ST3GAL1: variants seen among roughly 807,000 people sequenced by gnomAD.
The protein encoded by ST3GAL1 is CMP-N-acetylneuraminate-beta-galactosamide-alpha-2,3-sialyltransferase 1.
ST3GAL1 carries 16 observed loss-of-function variants against 34.1 expected under a neutral mutation model. That is an observed-to-expected ratio of 0.47 (90% CI 0.32 to 0.71). The LOEUF (loss-of-function observed/expected upper bound fraction) is 0.71, where lower values mean the gene tolerates loss of function less well. Among genes scored for constraint, ST3GAL1 ranks in the 30% least tolerant of loss-of-function variants. The pLI is 0.04. For synonymous variants in ST3GAL1, 191 were observed against 184.7 expected, an observed-to-expected ratio of 1.03 and a Z score of -0.28; for missense variants, 353 against 447.4, an observed-to-expected ratio of 0.79 and a Z score of 1.90.
chr8:133,561,911 G>A (rs146942320), intron 1 of ST3GAL1, among the ~76,000 whole-genome samples: 5 of 152,164 alleles, frequency 3.3e-5, no homozygotes, highest in South Asian at 2.1e-4. Context: ...GAACTGCAAG[G>A]TTGGTGAAGG....
intron 1 of ST3GAL1, among the ~76,000 whole-genome samples, chr8:133,554,433 T>C (rs1036267657): frequency 6.6e-5 from 10 of 152,260 alleles, no homozygotes; most frequent in African/African-American, 1.9e-4. Flanking sequence ...CAGTGGGATG[T>C]AGGGGTGTAG....
chr8:133,550,021 AC>A lies in ST3GAL1; in HGVS notation c.-581-4096del, dbSNP rs1342953341. On this transcript the variant is annotated intron_variant, in intron 1 of 9. Transcript: ENST00000522652. ...TAGAACTGCACCCCATGTGGGGCTCACCTTTTGCAGCCTCAGTTTCTCAGCT... is the reference window on the plus strand; with the variant it reads ...TAGAACTGCACCCCATGTGGGGCTCACTTTTGCAGCCTCAGTTTCTCAGCT... Among the ~76,000 whole-genome samples, 3 of 152,314 alleles carry A rather than the reference AC, an allele frequency of 2.0e-5. 1 individual carries two copies. In the Middle Eastern group the frequency reaches 0.01, roughly 518 times the overall value.
Position 133,467,991 on chromosome 8 carries a change from T to G in ST3GAL1, c.307-1901A>C, listed in dbSNP as rs1815806367. Among the ~76,000 whole-genome samples the G allele has an allele frequency of 6.6e-6, 1 of 152,130 alleles. No homozygotes were observed. Among genetic ancestry groups the G allele is most frequent in the East Asian group, 1.9e-4 (1 of 5,192 alleles). On this transcript the variant is annotated intron_variant, in intron 5 of 9. Coordinates refer to ENST00000522652, the MANE Select transcript of ST3GAL1 (RefSeq NM_173344.3). This position sits in a 1 kb window ranked among gnomAD's most constrained non-coding sequence, Gnocchi z 4.2. ...AAAACAACAGGTATCGGTGAGGATG[T>G]GGAGAAAATGGAACTCGTGCATTGC... is the stretch of plus-strand genomic sequence containing the variant.
At chr8:133,557,294 T>C (rs889822605) in intron 1 of ST3GAL1, among the ~76,000 whole-genome samples, 1 of 152,136 alleles carries the variant, frequency 6.6e-6, no homozygotes, top group Non-Finnish European at 1.5e-5. Context: ...AGTCATCCAG[T>C]CAACCAACGC....
At position 133,467,413 on chromosome 8, in the gene ST3GAL1, C is replaced by T. The variant is rs1815785906; in HGVS notation, c.307-1323G>A. The stretch of plus-strand genomic sequence containing the variant: ...GAGAGATTTCATAAAAGTGTTGCAT[C>T]TGACCTTGTCCCCATGCCACAGTGC... On this transcript the variant is annotated intron_variant, in intron 5 of 9. Coordinates refer to ENST00000522652, the MANE Select transcript of ST3GAL1 (RefSeq NM_173344.3). This position sits in a 1 kb window ranked among gnomAD's most constrained non-coding sequence, Gnocchi z 4.2. Among the ~76,000 whole-genome samples, 1 of 152,224 alleles carries T rather than the reference C, an allele frequency of 6.6e-6. No homozygotes were observed. Among genetic ancestry groups the T allele is most frequent in the Admixed American group, 6.5e-5 (1 of 15,284 alleles).
At position 133,567,849 on chromosome 8, in the gene ST3GAL1, T is replaced by G. The variant is rs553541855; in HGVS notation, c.-582+3844A>C. On this transcript the variant is annotated intron_variant, in intron 1 of 9. Coordinates refer to ENST00000522652, the MANE Select transcript of ST3GAL1 (RefSeq NM_173344.3). ...CTGGCTGAAGCAAACATAAATCAGG[T>G]GGTGGCTGTCTTCACAAAGAGAAGC... Among the ~76,000 whole-genome samples, 7 of 151,402 alleles carry G rather than the reference T, an allele frequency of 4.6e-5. No homozygotes were observed. In the East Asian group the frequency reaches 1.4e-3, roughly 29 times the overall value.
chr8:133,502,375 T>G (rs1032346641), intron 2 of ST3GAL1, among the ~76,000 whole-genome samples: 1 of 150,296 alleles, frequency 6.7e-6, no homozygotes, highest in South Asian at 2.1e-4. Flanking sequence ...GTAATAAGGT[T>G]AAATGAGGTC....
intron 3 of ST3GAL1, among the ~76,000 whole-genome samples, chr8:133,498,929 G>A (rs958358186): frequency 1.3e-5 from 2 of 152,320 alleles, no homozygotes; most frequent in East Asian, 1.9e-4. Flanking sequence ...CTGGGAATGG[G>A]GATGTTTTTC....
intron 1 of ST3GAL1, among the ~76,000 whole-genome samples, chr8:133,558,510 G>A (rs1044331313): frequency 4.6e-5 from 7 of 152,150 alleles, no homozygotes; most frequent in African/African-American, 1.4e-4. Flanking sequence ...TACTGCAAAG[G>A]CTCTTTGCAA....
intron 3 of ST3GAL1, among the ~76,000 whole-genome samples, chr8:133,479,940 A>G (rs1224083632): frequency 6.6e-6 from 1 of 152,222 alleles, no homozygotes; most frequent in East Asian, 1.9e-4. Flanking sequence ...TCCGTGCTCT[A>G]GCAAGCGTGG....
chr8:133,548,470 G>A lies in ST3GAL1; in HGVS notation c.-581-2544C>T, dbSNP rs79333674. Among the ~76,000 whole-genome samples the A allele has an allele frequency of 8.0e-3, 1,213 of 152,294 alleles. 4 individuals are homozygous for A. The highest frequency in any genetic ancestry group is 1.0e-2 in the Non-Finnish European group (680 of 68,030). On this transcript the variant is annotated intron_variant, in intron 1 of 9. Coordinates refer to ENST00000522652, the MANE Select transcript of ST3GAL1 (RefSeq NM_173344.3). Reference sequence around the variant, plus strand: ...TCCTACAAAGCATTACCGCCAACACGTTAACTCCATAAGGGCAAGGGCATG... The same window carrying A: ...TCCTACAAAGCATTACCGCCAACACATTAACTCCATAAGGGCAAGGGCATG...
chr8:133,548,699 G>T (rs1338260425), intron 1 of ST3GAL1, among the ~76,000 whole-genome samples: 2 of 152,216 alleles, frequency 1.3e-5, no homozygotes. Flanking sequence ...ACACATTCAT[G>T]TGTTTCTTCA....
At chr8:133,510,078 A>C (rs2131009913) in intron 2 of ST3GAL1, among the ~76,000 whole-genome samples, 1 of 151,518 alleles carries the variant, frequency 6.6e-6, no homozygotes, top group Admixed American at 6.6e-5. Flanking sequence ...AAAAAAAAAA[A>C]ATAGCAATGG....
Position 133,558,375 on chromosome 8 carries a change from A to G in ST3GAL1, c.-581-12449T>C, listed in dbSNP as rs1466211443. Among the ~76,000 whole-genome samples the G allele has an allele frequency of 2.0e-5, 3 of 152,176 alleles. No homozygotes were observed. In the South Asian group the frequency reaches 6.2e-4, roughly 31 times the overall value. ...CCAGATTTTATGGATGAGGAAAGGG[A>G]AGTACAGAGAGGTTCAGCAACTTGC... On this transcript the variant is annotated intron_variant, in intron 1 of 9. Coordinates refer to ENST00000522652, the MANE Select transcript of ST3GAL1 (RefSeq NM_173344.3).
chr8:133,530,950 C>T (rs764931576), intron 2 of ST3GAL1, among the ~76,000 whole-genome samples: 10 of 152,006 alleles, frequency 6.6e-5, no homozygotes, highest in South Asian at 2.1e-4. Context: ...GCCCTTAATC[C>T]GGAGCTCCGG....
At chr8:133,484,139 T>G (rs1816493360) in intron 3 of ST3GAL1, among the ~76,000 whole-genome samples, 1 of 152,068 alleles carries the variant, frequency 6.6e-6, no homozygotes, top group South Asian at 2.1e-4. Flanking sequence ...ATTCACTGGG[T>G]GGTGAACAGA....
At chr8:133,488,910 A>C (rs1262943770) in intron 3 of ST3GAL1, among the ~76,000 whole-genome samples, 1 of 152,158 alleles carries the variant, frequency 6.6e-6, no homozygotes, top group East Asian at 1.9e-4. Flanking sequence ...TAAAGTCTGG[A>C]CAACCTCCTG....
At chr8:133,505,380 G>A (rs1199325303) in intron 2 of ST3GAL1, among the ~76,000 whole-genome samples, 2 of 152,162 alleles carry the variant, frequency 1.3e-5, no homozygotes, top group African/African-American at 4.8e-5. Flanking sequence ...TATGAAGCAA[G>A]CCCGTGGGTC....
intron 1 of ST3GAL1, among the ~76,000 whole-genome samples, chr8:133,560,277 T>C (rs55877940): frequency 1.2e-4 from 18 of 152,080 alleles, no homozygotes; most frequent in Non-Finnish European, 2.6e-4. Flanking sequence ...AAAAACACAC[T>C]GAAATACCAT....
Sources: allele counts gnomAD v4.1 joint callset (sites outside exome capture counted in the v4.1 genomes callset), GRCh38; gene constraint gnomAD v4.1.1; non-coding constraint Gnocchi (gnomAD v3.1); transcripts MANE v1.5; gene names NCBI Gene and HGNC (gene_info 2026-07-23, HGNC 2026-07-21).